The following TMEM132B variants were observed in gnomAD, a reference collection of about 807,000 sequenced individuals.
TMEM132B encodes transmembrane protein 132B.
A neutral mutation model predicts 90.8 loss-of-function variants in TMEM132B; 18 were observed. The observed-to-expected ratio is 0.20, with a 90% confidence interval of 0.14 to 0.29. The LOEUF (loss-of-function observed/expected upper bound fraction) is 0.29. Among genes scored for constraint, TMEM132B ranks in the 10% least tolerant of loss-of-function variants. The pLI is 1.00. For missense variants in TMEM132B, 1,096 were observed against 1,326.8 expected, an observed-to-expected ratio of 0.83 and a Z score of 2.70; for synonymous variants, 504 against 523.3, an observed-to-expected ratio of 0.96 and a Z score of 0.50.
intron 5 of TMEM132B, among the ~76,000 whole-genome samples, chr12:125,615,851 A>G (rs918012214): frequency 1.3e-5 from 2 of 152,192 alleles, no homozygotes; most frequent in Non-Finnish European, 2.9e-5. Context: ...AAATCAACTG[A>G]CAAAAGGCAG....
chr12:125,370,656 G>A lies in TMEM132B; in HGVS notation c.959+20313G>A, dbSNP rs574323008. Among the ~76,000 whole-genome samples, 3 of 152,206 alleles carry A rather than the reference G, an allele frequency of 2.0e-5. No homozygotes were observed. The East Asian group carries it at 5.8e-4, about 29-fold the overall frequency. On this transcript the variant is annotated intron_variant, in intron 2 of 8. Coordinates refer to ENST00000682704, the MANE Select transcript of TMEM132B (RefSeq NM_001366854.1). ...ACTTCTGGACTCAAGCAATCCTCCC[G>A]CGTCAGCCTCCCAAAGTGCTGGGAT...
Position 125,629,995 on chromosome 12 carries a change from G to C in TMEM132B, c.1438-14081G>C, listed in dbSNP as rs150347583. The stretch of plus-strand genomic sequence containing the variant: ...TGCATCCCAGGGATAAATCCCACTT[G>C]ATCATGATGAATCATCTTTCTAATG... On this transcript the variant is annotated intron_variant, in intron 5 of 8. Coordinates refer to ENST00000682704, the MANE Select transcript of TMEM132B (RefSeq NM_001366854.1). Among the ~76,000 whole-genome samples, 11 of 152,198 alleles carry C rather than the reference G, an allele frequency of 7.2e-5. No homozygotes were observed. The East Asian group carries it at 2.1e-3, about 29-fold the overall frequency.
chr12:125,247,471 T>C (rs919435702), intron 1 of TMEM132B, among the ~76,000 whole-genome samples: 3 of 152,212 alleles, frequency 2.0e-5, no homozygotes, highest in African/African-American at 7.2e-5. Flanking sequence ...CTCCCGTCTG[T>C]ACCCTGTTGA....
intron 1 of TMEM132B, among the ~76,000 whole-genome samples, chr12:125,191,222 G>A (rs1260122082): frequency 1.3e-5 from 2 of 150,070 alleles, no homozygotes; most frequent in Non-Finnish European, 3.0e-5. Context: ...GATGGGGAAG[G>A]GGTGGTGGTG....
At chr12:125,433,906 AG>A (rs1383744198) in intron 3 of TMEM132B, among the ~76,000 whole-genome samples, 2 of 152,160 alleles carry the variant, frequency 1.3e-5, no homozygotes, top group Non-Finnish European at 2.9e-5. Context: ...TCGCCTTGGA[AG>A]GGGGCTCTGC....
At chr12:125,430,102 C>G (rs78460832) in intron 3 of TMEM132B, among the ~76,000 whole-genome samples, 4,658 of 152,218 alleles carry the variant, frequency 0.031, 232 homozygotes, top group African/African-American at 0.11. Flanking sequence ...AGCACTGTAC[C>G]GTGCCTGACA....
chr12:125,471,523 C>A (rs1330007845), intron 3 of TMEM132B, among the ~76,000 whole-genome samples: 1 of 152,164 alleles, frequency 6.6e-6, no homozygotes, highest in Non-Finnish European at 1.5e-5. Context: ...ATTTTCAGCT[C>A]CCACTGTAGT....
Position 125,483,254 on chromosome 12 carries a change from A to AT in TMEM132B, c.1107-36183dup, listed in dbSNP as rs201397490. Among the ~76,000 whole-genome samples, 130 of 152,306 alleles carry AT rather than the reference A, an allele frequency of 8.5e-4. 3 individuals are homozygous for AT. The East Asian group carries it at 0.023, about 27-fold the overall frequency. On this transcript the variant is annotated intron_variant, in intron 3 of 8. Transcript: ENST00000682704. ...GAACTTAAAGTGTAATAAAAAAAACATTAACAATGAATAGTGAAATATGTG... is the reference window on the plus strand; with the variant it reads ...GAACTTAAAGTGTAATAAAAAAAACATTTAACAATGAATAGTGAAATATGTG...
At chr12:125,357,285 C>T (rs1877809280) in intron 2 of TMEM132B, among the ~76,000 whole-genome samples, 1 of 152,208 alleles carries the variant, frequency 6.6e-6, no homozygotes, top group Non-Finnish European at 1.5e-5. Flanking sequence ...ACTGATTCGT[C>T]ACCTCTAATC....
intron 2 of TMEM132B, among the ~76,000 whole-genome samples, chr12:125,384,138 G>C (rs1878761818): frequency 1.3e-5 from 2 of 151,902 alleles, no homozygotes; most frequent in Admixed American, 1.3e-4. Flanking sequence ...GTAGAAATGG[G>C]GTTTCACCAT....
Position 125,654,140 on chromosome 12 carries a change from G to C in TMEM132B, c.2682G>C (p.Val894=). 1 of 1,614,200 alleles carries C rather than the reference G, an allele frequency of 6.2e-7. No homozygotes were observed. Among genetic ancestry groups the C allele is most frequent in the South Asian group, 1.1e-5 (1 of 91,084 alleles). The change falls in exon 9 of 9, where the codon GTG becomes GTC. Residue 894 remains valine (V), a synonymous_variant. Coordinates refer to ENST00000682704, the MANE Select transcript of TMEM132B (RefSeq NM_001366854.1). This position sits in a 1 kb window ranked among gnomAD's most constrained non-coding sequence, Gnocchi z 5.8. ...CCAATAATCCTAGTGACCTCACAGT[G>C]ACCTCAAGGGGGCTAACGGACTTGG... ...PDPNNPSDLT[V]TSRGLTDLEI...
rs1462800122 is a variant in TMEM132B at position 125,459,848 on chromosome 12, T to C, written c.1106+44171T>C. Among the ~76,000 whole-genome samples, 1 of 152,180 alleles carries C rather than the reference T, an allele frequency of 6.6e-6. No homozygotes were observed. The highest frequency in any genetic ancestry group is 1.5e-5 in the Non-Finnish European group (1 of 68,022). On this transcript the variant is annotated intron_variant, in intron 3 of 8. Coordinates refer to ENST00000682704, the MANE Select transcript of TMEM132B (RefSeq NM_001366854.1). This position sits in a 1 kb window ranked among gnomAD's most constrained non-coding sequence, Gnocchi z 4.1. ...ATCATGGGAGCAGTTTCCCCCATAC[T>C]GTTTTCACGGTAGTGGATAAGTCTC... is the stretch of plus-strand genomic sequence containing the variant.
intron 4 of TMEM132B, among the ~76,000 whole-genome samples, chr12:125,529,273 T>A (rs777402986): frequency 2.0e-5 from 3 of 152,086 alleles, no homozygotes; most frequent in Non-Finnish European, 4.4e-5. Flanking sequence ...ACTTTTTAAT[T>A]TTTTGTAGAG....
intron 1 of TMEM132B, among the ~76,000 whole-genome samples, chr12:125,314,565 C>T (rs887523506): frequency 6.6e-6 from 1 of 152,140 alleles, no homozygotes; most frequent in Non-Finnish European, 1.5e-5. Flanking sequence ...GCTACTACTT[C>T]CTGGAAGAGA....
chr12:125,275,314 T>C (rs1392670701), intron 1 of TMEM132B, among the ~76,000 whole-genome samples: 3 of 152,186 alleles, frequency 2.0e-5, no homozygotes, highest in East Asian at 1.9e-4. Flanking sequence ...TTTGAGGTCA[T>C]CTTAGGTTTT....
chr12:125,524,185 A>G (rs1309773247), intron 4 of TMEM132B, among the ~76,000 whole-genome samples: 1 of 152,236 alleles, frequency 6.6e-6, no homozygotes, highest in Non-Finnish European at 1.5e-5. Context: ...TCTACTTCAC[A>G]GTGGTGTCAG....
chr12:125,472,109 G>C (rs1881740165), intron 3 of TMEM132B, among the ~76,000 whole-genome samples: 2 of 152,198 alleles, frequency 1.3e-5, no homozygotes, highest in Non-Finnish European at 2.9e-5. Flanking sequence ...AGGAGACTCA[G>C]GGAAGCAATT....
At chr12:125,336,554 A>C (rs59401583) in intron 1 of TMEM132B, among the ~76,000 whole-genome samples, 273 of 152,300 alleles carry the variant, frequency 1.8e-3, no homozygotes, top group African/African-American at 6.1e-3. Flanking sequence ...TGAAAGAATC[A>C]TTTTCGATTT....
chr12:125,518,617 C>T (rs1032310912), intron 3 of TMEM132B, among the ~76,000 whole-genome samples: 2 of 152,206 alleles, frequency 1.3e-5, no homozygotes, highest in African/African-American at 4.8e-5. Flanking sequence ...ACTTCCCTGT[C>T]AATGCGATAG....
Sources: allele counts gnomAD v4.1 joint callset (sites outside exome capture counted in the v4.1 genomes callset), GRCh38; gene constraint gnomAD v4.1.1; non-coding constraint Gnocchi (gnomAD v3.1); transcripts MANE v1.5; gene names NCBI Gene and HGNC (gene_info 2026-07-23, HGNC 2026-07-21).